Variants in TENT5D observed in about 807,000 individuals in gnomAD.
TENT5D encodes the protein terminal nucleotidyltransferase 5D.
For missense variants in TENT5D, 191 were observed against 287.0 expected, an observed-to-expected ratio of 0.67 and a Z score of 2.42; for synonymous variants, 103 against 100.6, an observed-to-expected ratio of 1.02 and a Z score of -0.15.
At chrX:80,389,009 T>C (rs758544980) in intron 3 of TENT5D, among the ~76,000 whole-genome samples, 1 of 111,753 alleles carries the variant, frequency 8.9e-6, no homozygotes, top group East Asian at 2.8e-4. Flanking sequence ...TGATTTCTGC[T>C]GTGAGAGGGC....
At chrX:80,378,188 C>T (rs1270320272) in intron 3 of TENT5D, among the ~76,000 whole-genome samples, 1 of 111,705 alleles carries the variant, frequency 9.0e-6, no homozygotes, top group Non-Finnish European at 1.9e-5. Context: ...TTGTAGGTTG[C>T]CTCTTCACTC....
chrX:80,380,570 C>T (rs893153646), intron 3 of TENT5D, among the ~76,000 whole-genome samples: 2 of 110,790 alleles, frequency 1.8e-5, no homozygotes, highest in African/African-American at 6.6e-5. Context: ...GTTAAACTCT[C>T]CCATTATTAT....
intron 2 of TENT5D, among the ~76,000 whole-genome samples, chrX:80,440,335 G>A (rs1932259870): frequency 1.8e-5 from 2 of 110,973 alleles, no homozygotes; most frequent in African/African-American, 6.5e-5. Flanking sequence ...CTGCCATTCT[G>A]TTTGGTAAAC....
chrX:80,443,850 A>G, exon 3 of TENT5D: 1 of 542,853 alleles, frequency 1.8e-6, no homozygotes, highest in Non-Finnish European at 2.9e-6. Context: ...AATAGTAGTT[A>G]CCAACTATTT....
upstream of TENT5D, among the ~76,000 whole-genome samples, chrX:80,417,268 T>C (rs1013463904): frequency 9.0e-6 from 1 of 111,502 alleles, no homozygotes; most frequent in African/African-American, 3.3e-5. Context: ...TTCCAATTTG[T>C]ACCTTTTACT....
intron 3 of TENT5D, among the ~76,000 whole-genome samples, chrX:80,397,491 G>A (rs1490105072): frequency 3.6e-5 from 4 of 109,721 alleles, no homozygotes; most frequent in South Asian, 4.0e-4. Context: ...GACGATGGGC[G>A]GCCAGGCAGA....
chrX:80,394,658 T>C (rs1236791391), intron 3 of TENT5D, among the ~76,000 whole-genome samples: 2 of 111,013 alleles, frequency 1.8e-5, no homozygotes, highest in Non-Finnish European at 3.8e-5. Flanking sequence ...CCTCCCAAAG[T>C]GCTGGGATTA....
chrX:80,391,879 C>G (rs767678990), intron 3 of TENT5D, among the ~76,000 whole-genome samples: 3 of 112,715 alleles, frequency 2.7e-5, no homozygotes, highest in Admixed American at 9.3e-5. Flanking sequence ...AGGCACTAGA[C>G]ACATTCACTC....
intron 1 of TENT5D, among the ~76,000 whole-genome samples, chrX:80,433,815 T>C (rs1377582340): frequency 1.8e-5 from 2 of 111,125 alleles, no homozygotes; most frequent in East Asian, 2.8e-4. Context: ...TAAATCTCAG[T>C]CAGTAAGAAC....
chrX:80,391,102 A>G (rs778563324), intron 3 of TENT5D, among the ~76,000 whole-genome samples: 3 of 111,619 alleles, frequency 2.7e-5, no homozygotes, highest in African/African-American at 9.8e-5. Flanking sequence ...TTATTCATCA[A>G]AAATTTTGAG....
At position 80,387,432 on chromosome X, in the gene TENT5D, T is replaced by A. The variant is rs139971075; in HGVS notation, c.-142+44868T>A. On this transcript the variant is annotated intron_variant, in intron 3 of 4. Coordinates refer to the TENT5D transcript ENST00000538312. Reference sequence around the variant, plus strand: ...TGGGTGTTGTGATCTAAGTTTTTAGTTACTGAAGCCTTATCTGTGCTAGAG... The same window carrying A: ...TGGGTGTTGTGATCTAAGTTTTTAGATACTGAAGCCTTATCTGTGCTAGAG... Among the ~76,000 whole-genome samples the A allele has an allele frequency of 5.3e-4, 59 of 112,227 alleles. 1 individual carries two copies. Among genetic ancestry groups the A allele is most frequent in the Non-Finnish European group, 1.0e-3 (53 of 53,218 alleles).
intron 3 of TENT5D, among the ~76,000 whole-genome samples, chrX:80,360,939 C>G (rs954507720): frequency 2.7e-5 from 3 of 111,782 alleles, no homozygotes; most frequent in African/African-American, 9.7e-5. Flanking sequence ...TTTAACACTT[C>G]CATTTTGCAG....
chrX:80,413,487 C>T (rs1931710906), intron 3 of TENT5D, among the ~76,000 whole-genome samples: 1 of 111,689 alleles, frequency 9.0e-6, no homozygotes, highest in African/African-American at 3.3e-5. Context: ...AATTGTATCT[C>T]CCAGAATTCC....
chrX:80,354,919 G>C (rs747861887), intron 3 of TENT5D, among the ~76,000 whole-genome samples: 1 of 112,082 alleles, frequency 8.9e-6, no homozygotes, highest in African/African-American at 3.2e-5. Flanking sequence ...GTTTGATTGT[G>C]ACATGAGTTG....
intron 1 of TENT5D, among the ~76,000 whole-genome samples, chrX:80,432,157 T>C (rs921449749): frequency 9.1e-6 from 1 of 110,042 alleles, no homozygotes; most frequent in Non-Finnish European, 1.9e-5. Flanking sequence ...ATAGGAAACA[T>C]GATAGTTGCA....
At chrX:80,372,381 T>A (rs768933305) in intron 3 of TENT5D, among the ~76,000 whole-genome samples, 34 of 112,059 alleles carry the variant, frequency 3.0e-4, no homozygotes, top group African/African-American at 1.1e-3. Flanking sequence ...TATTTATTTT[T>A]GCAAATTTAA....
At chrX:80,383,934 C>A (rs1930932297) in intron 3 of TENT5D, among the ~76,000 whole-genome samples, 1 of 110,744 alleles carries the variant, frequency 9.0e-6, no homozygotes, top group Non-Finnish European at 1.9e-5. Flanking sequence ...AGCTTACCAA[C>A]CAAAAAAAGT....
chrX:80,437,880 A>G (rs1460208671), intron 1 of TENT5D, among the ~76,000 whole-genome samples: 1 of 111,322 alleles, frequency 9.0e-6, no homozygotes, highest in Non-Finnish European at 1.9e-5. Flanking sequence ...TTTCTAAAGT[A>G]CAGGAATTCA....
At position 80,442,792 on chromosome X, in the gene TENT5D, G is replaced by A. The variant is rs992431399; in HGVS notation, c.253G>A (p.Val85Ile). The change falls in exon 3 of 3, where the codon GTT becomes ATT. Residue 85 changes from valine (V) to isoleucine (I), a missense_variant. By Grantham distance (29) the Val-to-Ile change is conservative. Coordinates refer to ENST00000308293, the Ensembl canonical transcript of TENT5D. ...TGGAATCAGCTATAAGGATCTGGACGTTATTTTTGGTGTTGAGCTTCCAGG... is the reference window on the plus strand; with the variant it reads ...TGGAATCAGCTATAAGGATCTGGACATTATTTTTGGTGTTGAGCTTCCAGG... 1.2e-5 allele frequency: 15 copies of A among 1,209,732 alleles called. No homozygotes were observed. In the East Asian group the frequency reaches 3.0e-4, roughly 24 times the overall value.
Sources: allele counts gnomAD v4.1 joint callset (sites outside exome capture counted in the v4.1 genomes callset), GRCh38; gene constraint gnomAD v4.1.1; transcripts MANE v1.5; gene names NCBI Gene and HGNC (gene_info 2026-07-23, HGNC 2026-07-21).